CSMD3: variants seen among roughly 807,000 people sequenced by gnomAD.
CSMD3 encodes CUB and sushi domain-containing protein 3.
A neutral mutation model predicts 435.2 loss-of-function variants in CSMD3; 177 were observed. The ratio of observed to expected loss-of-function variants is 0.41; its 90% confidence interval spans 0.36 to 0.46. CSMD3 has a LOEUF of 0.46. CSMD3 is among the 20% of genes least tolerant of loss of function. The pLI, the probability that CSMD3 is intolerant of heterozygous loss-of-function variation, is 0.34. For synonymous variants in CSMD3, 1,656 were observed against 1,520.5 expected (o/e 1.09, Z -2.07); for missense variants, 4,265 against 4,504.6 (o/e 0.95, Z 1.52).
chr8:112,598,771 G>T (rs1444540229), intron 22 of CSMD3, among the ~76,000 whole-genome samples: 1 of 151,930 alleles, frequency 6.6e-6, no homozygotes, highest in Non-Finnish European at 1.5e-5. Flanking sequence ...AATGGGGAAA[G>T]GATTCCCTAT....
chr8:112,882,355 T>A (rs1290012262), intron 10 of CSMD3, among the ~76,000 whole-genome samples: 1 of 151,936 alleles, frequency 6.6e-6, no homozygotes, highest in Non-Finnish European at 1.5e-5. Flanking sequence ...AGACTAGAAA[T>A]CATCCCTTGC....
At chr8:113,202,913 A>C (rs2092729640) in intron 3 of CSMD3, among the ~76,000 whole-genome samples, 1 of 152,130 alleles carries the variant, frequency 6.6e-6, no homozygotes, top group African/African-American at 2.4e-5. Flanking sequence ...CAATTGTCCA[A>C]GTATTTGGCA....
At chr8:112,556,741 A>G (rs745314325) in intron 25 of CSMD3, 22 bp downstream of exon 25, 1 of 1,576,192 alleles carries the variant, frequency 6.3e-7, no homozygotes, top group East Asian at 2.2e-5. Flanking sequence ...ATATTCAATG[A>G]AAATCTATGA....
intron 6 of CSMD3, among the ~76,000 whole-genome samples, chr8:112,990,345 G>A (rs1245450694): frequency 1.3e-5 from 2 of 151,860 alleles, no homozygotes; most frequent in African/African-American, 4.8e-5. Context: ...AAAGCATCTT[G>A]CCAACAAAGA....
chr8:112,445,122 A>G (rs2130540501), intron 32 of CSMD3, among the ~76,000 whole-genome samples: 1 of 152,170 alleles, frequency 6.6e-6, no homozygotes, highest in Admixed American at 6.5e-5. Context: ...GTGTGCCTGT[A>G]ATCCCAGCTA....
At chr8:113,101,039 G>T (rs146992743) in intron 4 of CSMD3, among the ~76,000 whole-genome samples, 337 of 152,174 alleles carry the variant, frequency 2.2e-3, no homozygotes, top group Non-Finnish European at 3.9e-3. Context: ...AAGGATCAGA[G>T]GATCTGAATC....
chr8:112,587,514 G>A (rs148764911), intron 22 of CSMD3, among the ~76,000 whole-genome samples: 1 of 151,900 alleles, frequency 6.6e-6, no homozygotes, highest in Non-Finnish European at 1.5e-5. Flanking sequence ...AGGAAAGGGT[G>A]AGAGCATGAA....
Position 112,351,263 on chromosome 8 carries a change from G to A in CSMD3, c.6256-19C>T, listed in dbSNP as rs202160346. The A allele has an allele frequency of 1.2e-4, 192 of 1,552,740 alleles. No individual in the cohort carries two copies. Among genetic ancestry groups the A allele is most frequent in the Non-Finnish European group, 1.6e-4 (182 of 1,124,882 alleles). On this transcript the variant is annotated intron_variant, in intron 39 of 70. Transcript: ENST00000297405. Reference sequence around the variant, plus strand: ...AGTGACCCTACATAAACAAAATGATGTGGTTCAGTACACATACATAAAAAG... The same window carrying A: ...AGTGACCCTACATAAACAAAATGATATGGTTCAGTACACATACATAAAAAG...
intron 32 of CSMD3, among the ~76,000 whole-genome samples, chr8:112,446,334 A>AT (rs1391923038): frequency 1.3e-5 from 2 of 152,242 alleles, no homozygotes; most frequent in Non-Finnish European, 2.9e-5. Context: ...GCACAGTGGC[A>AT]TGCTGATATT....
intron 13 of CSMD3, among the ~76,000 whole-genome samples, chr8:112,775,777 C>G (rs980481387): frequency 6.6e-6 from 1 of 151,728 alleles, no homozygotes; most frequent in Admixed American, 6.6e-5. Context: ...TCCTAAGCAC[C>G]CATTGTGTGT....
chr8:112,619,170 C>T (rs184156184), intron 22 of CSMD3, among the ~76,000 whole-genome samples: 18 of 152,158 alleles, frequency 1.2e-4, no homozygotes, highest in African/African-American at 4.3e-4. Context: ...TAATTAGTGG[C>T]TATTCTCCCT....
At chr8:113,017,437 G>T (rs2086508027) in intron 6 of CSMD3, among the ~76,000 whole-genome samples, 1 of 81,342 alleles carries the variant, frequency 1.2e-5, no homozygotes, top group Non-Finnish European at 2.0e-5. Flanking sequence ...TTTGAGGTAG[G>T]AGATCTATTT....
At chr8:113,071,203 G>C (rs890219771) in intron 5 of CSMD3, among the ~76,000 whole-genome samples, 2 of 151,848 alleles carry the variant, frequency 1.3e-5, no homozygotes, top group African/African-American at 4.8e-5. Flanking sequence ...ACTGAGTTTT[G>C]AAAGTTTCTT....
chr8:112,402,989 T>C (rs1318924679), intron 35 of CSMD3, among the ~76,000 whole-genome samples: 4 of 152,182 alleles, frequency 2.6e-5, no homozygotes, highest in African/African-American at 9.6e-5. Flanking sequence ...TTTGTCTTTA[T>C]GAGAGTGCAA....
intron 5 of CSMD3, among the ~76,000 whole-genome samples, chr8:113,085,346 A>G (rs117070643): frequency 0.017 from 2,575 of 152,294 alleles, 40 homozygotes; most frequent in Middle Eastern, 0.037. Context: ...GTAAATCACT[A>G]TAGCCATTAT....
At chr8:113,409,384 A>G (rs1419824463) in intron 1 of CSMD3, among the ~76,000 whole-genome samples, 1 of 151,894 alleles carries the variant, frequency 6.6e-6, no homozygotes, top group Non-Finnish European at 1.5e-5. Flanking sequence ...CGCCCGGCCA[A>G]TAAGACATTT....
intron 13 of CSMD3, among the ~76,000 whole-genome samples, chr8:112,761,469 G>C (rs888167820): frequency 1.3e-5 from 2 of 152,032 alleles, no homozygotes; most frequent in Non-Finnish European, 2.9e-5. Context: ...ATCTATACCA[G>C]AGATAAAATA....
At chr8:112,827,760 G>A (rs2079741874) in intron 12 of CSMD3, among the ~76,000 whole-genome samples, 1 of 152,156 alleles carries the variant, frequency 6.6e-6, no homozygotes, top group East Asian at 1.9e-4. Flanking sequence ...CACTTAATTA[G>A]CTATAGGCCC....
intron 12 of CSMD3, among the ~76,000 whole-genome samples, chr8:112,811,791 G>C (rs1477866023): frequency 6.6e-6 from 1 of 152,102 alleles, no homozygotes; most frequent in Non-Finnish European, 1.5e-5. Context: ...GTTGGTAGGT[G>C]ATTTTATTTT....
Sources: allele counts gnomAD v4.1 joint callset (sites outside exome capture counted in the v4.1 genomes callset), GRCh38; gene constraint gnomAD v4.1.1; transcripts MANE v1.5; gene names NCBI Gene and HGNC (gene_info 2026-07-23, HGNC 2026-07-21).